GPC5: variants seen among roughly 807,000 people sequenced by gnomAD.
GPC5 encodes the protein glypican 5, also known as glypican-5.
Under a neutral mutation model 53.9 loss-of-function variants are expected in GPC5, and 47 were observed. The observed-to-expected ratio is 0.87, with a 90% CI of 0.69 to 1.11. The LOEUF (loss-of-function observed/expected upper bound fraction) is 1.11, where lower values mean the gene tolerates loss of function less well. Among genes scored for constraint, GPC5 ranks in the 50% most tolerant of loss-of-function variants. The pLI is 0.00. For synonymous variants in GPC5, 286 were observed against 263.3 expected, an observed-to-expected ratio of 1.09 and a Z score of -0.84; for missense variants, 748 against 713.1, an observed-to-expected ratio of 1.05 and a Z score of -0.56.
intron 4 of GPC5, among the ~76,000 whole-genome samples, chr13:91,748,331 T>C (rs1423980488): frequency 6.6e-6 from 1 of 152,216 alleles, no homozygotes; most frequent in Non-Finnish European, 1.5e-5. Flanking sequence ...AGAGATTCCT[T>C]CTATTTTTTA....
intron 5 of GPC5, among the ~76,000 whole-genome samples, chr13:91,840,223 G>T (rs1409891166): frequency 6.6e-6 from 1 of 151,218 alleles, no homozygotes; most frequent in Non-Finnish European, 1.5e-5. Context: ...ACACATTTTT[G>T]TCTCTCCTAC....
intron 7 of GPC5, among the ~76,000 whole-genome samples, chr13:92,432,548 T>A (rs984275631): frequency 6.6e-6 from 1 of 151,328 alleles, no homozygotes; most frequent in Non-Finnish European, 1.5e-5. Context: ...CTATTTTTTT[T>A]TTTTTTTAAA....
In GPC5 at chr13:92,307,379, G is replaced by A. The variant is rs1470042079; in HGVS notation, c.1561+162390G>A. 2.0e-5 allele frequency among the ~76,000 whole-genome samples: 3 copies of A among 152,124 alleles called. No individual in the cohort carries two copies. The South Asian group carries it at 6.2e-4, about 31-fold the overall frequency. On this transcript the variant is annotated intron_variant, in intron 7 of 7. Transcript: ENST00000377067. ...TGAGGCAGGAGATTCGCTTGAACTC[G>A]GGAGGCAGAGGTTGCAGTGAGCCGA...
At chr13:91,407,125 G>A (rs1334767692) in intron 1 of GPC5, among the ~76,000 whole-genome samples, 1 of 152,122 alleles carries the variant, frequency 6.6e-6, no homozygotes, top group African/African-American at 2.4e-5. Context: ...GTTATTTATT[G>A]TGTTTAATTA....
At chr13:91,496,661 G>T (rs547563169) in intron 2 of GPC5, among the ~76,000 whole-genome samples, 1 of 152,242 alleles carries the variant, frequency 6.6e-6, no homozygotes, top group South Asian at 2.1e-4. Context: ...GCTTGGTGGG[G>T]TGGTGAGGAT....
At chr13:92,844,557 T>TGTGTGC (rs879867382) in intron 7 of GPC5, among the ~76,000 whole-genome samples, 1 of 152,028 alleles carries the variant, frequency 6.6e-6, no homozygotes, top group South Asian at 2.1e-4. Context: ...TGTGTGTGTG[T>TGTGTGC]ATACGTGTGT....
At chr13:91,709,975 A>G (rs1470149159) in intron 3 of GPC5, among the ~76,000 whole-genome samples, 1 of 152,150 alleles carries the variant, frequency 6.6e-6, no homozygotes, top group Non-Finnish European at 1.5e-5. Context: ...CTTGTCACAT[A>G]TCAATCTCAT....
intron 7 of GPC5, among the ~76,000 whole-genome samples, chr13:92,375,155 C>A (rs1219517955): frequency 6.6e-6 from 1 of 152,082 alleles, no homozygotes; most frequent in Non-Finnish European, 1.5e-5. Context: ...ATTATATAGT[C>A]CTAAAGACTA....
intron 7 of GPC5, among the ~76,000 whole-genome samples, chr13:92,208,885 C>T (rs1458900361): frequency 1.3e-5 from 2 of 152,122 alleles, no homozygotes; most frequent in African/African-American, 4.8e-5. Context: ...AAACATCAAG[C>T]CCAACAATGA....
chr13:92,235,719 C>T (rs1713968856), intron 7 of GPC5, among the ~76,000 whole-genome samples: 1 of 152,080 alleles, frequency 6.6e-6, no homozygotes, highest in African/African-American at 2.4e-5. Context: ...AGATGATGTC[C>T]TTTAATTACT....
intron 7 of GPC5, among the ~76,000 whole-genome samples, chr13:92,622,223 C>T (rs77872505): frequency 0.014 from 2,130 of 152,288 alleles, 49 homozygotes; most frequent in African/African-American, 0.048. Flanking sequence ...AGCAGTGGCG[C>T]TGTTCCTGTC....
rs34783532 is a variant in GPC5 at position 91,897,335 on chromosome 13, C to CTGTGTGTGTGTG, written c.1281-10579_1281-10568dup. Among the ~76,000 whole-genome samples the CTGTGTGTGTGTG allele has an allele frequency of 1.2e-4, 17 of 139,432 alleles. No individual in the cohort carries two copies. In the East Asian group the frequency reaches 2.2e-3, roughly 18 times the overall value. The allele number at this position is 139,432 out of a possible 152,430, so 91.5% of individuals were successfully genotyped here. On this transcript the variant is annotated intron_variant, in intron 5 of 7. Transcript: ENST00000377067. ...AAAGTAGAAGTAAATATAGAGAATG[C>CTGTGTGTGTGTG]TGTGTGTGTGTGTGTGTGTGTGTGT...
At chr13:91,758,624 G>A (rs345471) in intron 5 of GPC5, among the ~76,000 whole-genome samples, 97,475 of 151,868 alleles carry the variant, frequency 0.64, 31,407 homozygotes, top group Middle Eastern at 0.77. Flanking sequence ...GACCTCATTC[G>A]TGGTTTATGA....
intron 2 of GPC5, among the ~76,000 whole-genome samples, chr13:91,495,623 T>A (rs1594165128): frequency 6.6e-6 from 1 of 152,216 alleles, no homozygotes; most frequent in African/African-American, 2.4e-5. Context: ...CCACTCCCCA[T>A]CAGGTAGCTT....
intron 7 of GPC5, among the ~76,000 whole-genome samples, chr13:92,451,930 G>A (rs980822140): frequency 1.3e-5 from 2 of 152,128 alleles, no homozygotes; most frequent in South Asian, 2.1e-4. Context: ...GGTGATAAAT[G>A]TTTTCAGAAC....
intron 7 of GPC5, among the ~76,000 whole-genome samples, chr13:92,276,666 T>A (rs1431302183): frequency 6.6e-6 from 1 of 152,106 alleles, no homozygotes; most frequent in South Asian, 2.1e-4. Flanking sequence ...TTCAGAACAC[T>A]TTGCAAGGAA....
At chr13:91,894,809 G>A (rs1216941280) in intron 5 of GPC5, among the ~76,000 whole-genome samples, 1 of 152,002 alleles carries the variant, frequency 6.6e-6, no homozygotes, top group Non-Finnish European at 1.5e-5. Context: ...TTTAACCCAG[G>A]TGTGCAGATC....
intron 6 of GPC5, among the ~76,000 whole-genome samples, chr13:92,049,514 C>T (rs982493158): frequency 3.3e-5 from 5 of 151,986 alleles, no homozygotes; most frequent in Admixed American, 2.0e-4. Flanking sequence ...GTTTATGTAC[C>T]ATTGAGCTTC....
chr13:92,661,486 G>T (rs1374060226), intron 7 of GPC5, among the ~76,000 whole-genome samples: 1 of 151,946 alleles, frequency 6.6e-6, no homozygotes. Flanking sequence ...AGTAATGTTG[G>T]CTTATATATT....
Sources: allele counts gnomAD v4.1 joint callset (sites outside exome capture counted in the v4.1 genomes callset), GRCh38; gene constraint gnomAD v4.1.1; transcripts MANE v1.5; gene names NCBI Gene and HGNC (gene_info 2026-07-23, HGNC 2026-07-21).